Variants in CIMIP6 observed in about 807,000 individuals in gnomAD.
CIMIP6 encodes uncharacterized protein C2orf73.
At chr2:54,359,682 G>A in the CIMIP6 span, among the ~76,000 whole-genome samples, 2 of 151,908 alleles carry the variant, frequency 1.3e-5, no homozygotes, top group African/African-American at 4.8e-5. Flanking sequence ...CATGTGTGTG[G>A]CAGGGAGATG....
At chr2:54,369,320 T>C in the CIMIP6 span, among the ~76,000 whole-genome samples, 24 of 152,042 alleles carry the variant, frequency 1.6e-4, no homozygotes, top group Middle Eastern at 3.4e-3. Context: ...AAAAAAAAAA[T>C]CCTTTACATC....
chr2:54,344,580 C>A, the CIMIP6 span, among the ~76,000 whole-genome samples: 1 of 152,128 alleles, frequency 6.6e-6, no homozygotes, highest in African/African-American at 2.4e-5. Flanking sequence ...CAGAGAGTTA[C>A]TTCAAAGCCT....
chr2:54,356,256 A>G, the CIMIP6 span, among the ~76,000 whole-genome samples: 1 of 152,148 alleles, frequency 6.6e-6, no homozygotes, highest in Non-Finnish European at 1.5e-5. Flanking sequence ...CCAAGGGGGC[A>G]ACATGTACCC....
At chr2:54,360,400 T>G in the CIMIP6 span, 1 of 1,606,538 alleles carries the variant, frequency 6.2e-7, no homozygotes, top group African/African-American at 1.3e-5. Flanking sequence ...TGTTAGAGCC[T>G]AAAACTCACT....
At chr2:54,382,123 T>C in the CIMIP6 span, 1 of 1,135,672 alleles carries the variant, frequency 8.8e-7, no homozygotes. Flanking sequence ...TATAGAAATG[T>C]GAACAATGAA....
At chr2:54,349,428 T>G in the CIMIP6 span, among the ~76,000 whole-genome samples, 1 of 152,212 alleles carries the variant, frequency 6.6e-6, no homozygotes, top group Admixed American at 6.5e-5. Context: ...AATTGTATGT[T>G]TGAATAAATC....
the CIMIP6 span, among the ~76,000 whole-genome samples, chr2:54,374,098 T>C: frequency 1.3e-5 from 2 of 152,204 alleles, no homozygotes; most frequent in Admixed American, 1.3e-4. Context: ...AGGTCAGCAG[T>C]GCCGTTTCTT....
chr2:54,352,504 G>T, the CIMIP6 span, among the ~76,000 whole-genome samples: 101 of 152,232 alleles, frequency 6.6e-4, no homozygotes, highest in African/African-American at 2.4e-3. Flanking sequence ...AATATACATT[G>T]TGAAGTGGCT....
chr2:54,355,504 G>T, the CIMIP6 span, among the ~76,000 whole-genome samples: 1 of 152,068 alleles, frequency 6.6e-6, no homozygotes, highest in African/African-American at 2.4e-5. Flanking sequence ...AATCTGAGGT[G>T]TTTGAGCTTT....
the CIMIP6 span, among the ~76,000 whole-genome samples, chr2:54,362,728 G>C: frequency 6.6e-6 from 1 of 152,198 alleles, no homozygotes; most frequent in East Asian, 1.9e-4. Flanking sequence ...TGTATTTTTA[G>C]TATAGGCAGG....
At chr2:54,350,219 G>T in the CIMIP6 span, among the ~76,000 whole-genome samples, 1 of 152,152 alleles carries the variant, frequency 6.6e-6, no homozygotes. Flanking sequence ...CTATTTAAAA[G>T]ATTCATTTTA....
At chr2:54,381,915 C>T in the CIMIP6 span, 2 of 1,550,530 alleles carry the variant, frequency 1.3e-6, no homozygotes, top group Admixed American at 2.0e-5. Context: ...AGAAAAGGAA[C>T]AGAGAGATCA....
chr2:54,372,209 C>G, the CIMIP6 span, among the ~76,000 whole-genome samples: 1 of 152,194 alleles, frequency 6.6e-6, no homozygotes, highest in African/African-American at 2.4e-5. Context: ...TGGAGCCGAT[C>G]TTCAAGCCAG....
chr2:54,337,257 C>T, the CIMIP6 span, among the ~76,000 whole-genome samples: 5 of 152,104 alleles, frequency 3.3e-5, no homozygotes, highest in African/African-American at 4.8e-5. Context: ...GACAGCACAC[C>T]ATGGCTGTGA....
chr2:54,357,327 A>G, the CIMIP6 span, among the ~76,000 whole-genome samples: 1 of 152,126 alleles, frequency 6.6e-6, no homozygotes, highest in Non-Finnish European at 1.5e-5. Context: ...ATTTACTAAC[A>G]TTTTTTCTTA....
chr2:54,376,193 G>C, the CIMIP6 span, among the ~76,000 whole-genome samples: 1 of 147,394 alleles, frequency 6.8e-6, no homozygotes, highest in South Asian at 2.2e-4. Context: ...ATGCCACCAT[G>C]CCTGGCTGAT....
the CIMIP6 span, among the ~76,000 whole-genome samples, chr2:54,376,494 C>T: frequency 6.6e-6 from 1 of 152,192 alleles, no homozygotes; most frequent in Non-Finnish European, 1.5e-5. Context: ...AATTCCTTCA[C>T]TGGAATAGAC....
chr2:54,360,756 G>C, the CIMIP6 span: 1 of 536,320 alleles, frequency 1.9e-6, no homozygotes, highest in Non-Finnish European at 3.1e-6. Flanking sequence ...TAAGTGGAGT[G>C]AGACATTATT....
chr2:54,349,381 A>G, the CIMIP6 span, among the ~76,000 whole-genome samples: 1 of 152,202 alleles, frequency 6.6e-6, no homozygotes, highest in Non-Finnish European at 1.5e-5. Flanking sequence ...ACATTTCTCA[A>G]AGTAAAACTC....
Sources: gnomAD v4.1 joint callset for allele counts (sites outside exome capture counted in the v4.1 genomes callset) on GRCh38, gnomAD v4.1.1 for gene constraint, MANE v1.5 for transcripts, NCBI Gene and HGNC (gene_info 2026-07-23, HGNC 2026-07-21) for gene names.